The following FRMD3 variants were observed in gnomAD, a reference collection of about 807,000 sequenced individuals.
The protein encoded by FRMD3 is FERM domain-containing protein 3.
A neutral mutation model predicts 70.2 loss-of-function variants in FRMD3; 33 were observed. That is an observed-to-expected ratio of 0.47 (90% confidence interval 0.36 to 0.63). The LOEUF is 0.63. Ranked by LOEUF, FRMD3 falls within the 20% of genes least tolerant of loss-of-function variation. The probability of loss-of-function intolerance (pLI) is 0.00; values close to 1 mark genes in which losing one functional copy is unlikely to be tolerated. For missense variants in FRMD3, 632 were observed against 711.4 expected, an observed-to-expected ratio of 0.89 and a Z score of 1.27; for synonymous variants, 279 against 255.9, an observed-to-expected ratio of 1.09 and a Z score of -0.86.
intron 1 of FRMD3, among the ~76,000 whole-genome samples, chr9:83,446,471 C>T (rs1827468580): frequency 6.6e-6 from 1 of 151,930 alleles, no homozygotes; most frequent in Admixed American, 6.6e-5. Flanking sequence ...CACGGTGAAA[C>T]CCCGTCTCTA....
In FRMD3 at chr9:83,479,751, AG is replaced by A. The variant is rs1564097015; in HGVS notation, c.147+58333del. Among the ~76,000 whole-genome samples the A allele has an allele frequency of 7.9e-5, 10 of 126,186 alleles. 1 individual carries two copies. Among genetic ancestry groups the A allele is most frequent in the African/African-American group, 1.8e-4 (6 of 32,662 alleles). 82.8% of individuals were successfully genotyped at this position (126,186 alleles called of 152,430 possible). On this transcript the variant is annotated intron_variant, in intron 1 of 13. Transcript: ENST00000304195. ...AAAGGGAAAGAAAGAAAAAGAAAAG[AG>A]AAGAAGAAGGGAGGGAGGGAGGGAG...
At chr9:83,275,936 A>G (rs1413463355) in intron 13 of FRMD3, 3 of 152,244 alleles carry the variant, frequency 2.0e-5, no homozygotes, top group African/African-American at 4.8e-5. Context: ...AATTTAAATT[A>G]TCTCAGCTTT....
At chr9:83,310,789 C>T (rs1200514624) in intron 8 of FRMD3, among the ~76,000 whole-genome samples, 2 of 152,218 alleles carry the variant, frequency 1.3e-5, no homozygotes, top group African/African-American at 4.8e-5. Context: ...AGTCAGGCTG[C>T]ATCGTTCTTC....
chr9:83,479,367 AGAAGAG>A (rs1224228037), intron 1 of FRMD3, among the ~76,000 whole-genome samples: 10 of 121,210 alleles, frequency 8.3e-5, no homozygotes, highest in African/African-American at 1.2e-4. Context: ...AGGAGGAAGA[AGAAGAG>A]GAGGAGGAGG....
chr9:83,309,646 A>G (rs1174545952), intron 9 of FRMD3, 22 bp from the exon 10 acceptor site: 1 of 1,468,920 alleles, frequency 6.8e-7, no homozygotes, highest in South Asian at 1.3e-5. Flanking sequence ...ATAACAAAAC[A>G]AGAAAAGGCA....
chr9:83,573,221 A>G, the FRMD3 span, among the ~76,000 whole-genome samples: 1 of 151,412 alleles, frequency 6.6e-6, no homozygotes, highest in South Asian at 2.1e-4. Context: ...GCACCAAAAA[A>G]AAGGAAGAAG....
chr9:83,538,461 T>G, upstream of FRMD3: 1 of 356,444 alleles, frequency 2.8e-6, no homozygotes, highest in Non-Finnish European at 5.0e-6. This position sits in a 1 kb window ranked among gnomAD's most constrained non-coding sequence, Gnocchi z 4.7. Flanking sequence ...CCCCGCCTCC[T>G]TCTGTCGCGC....
chr9:83,409,984 A>G (rs1826234381), intron 1 of FRMD3, among the ~76,000 whole-genome samples: 1 of 152,146 alleles, frequency 6.6e-6, no homozygotes. Flanking sequence ...CCTCAATGCC[A>G]TTTCTACCAG....
intron 1 of FRMD3, among the ~76,000 whole-genome samples, chr9:83,491,395 C>A (rs1271972557): frequency 6.6e-6 from 1 of 152,172 alleles, no homozygotes; most frequent in Admixed American, 6.5e-5. Context: ...TGTTCTCTGT[C>A]AGGGACCTGG....
chr9:83,570,179 G>C, the FRMD3 span, among the ~76,000 whole-genome samples: 8 of 152,064 alleles, frequency 5.3e-5, no homozygotes, highest in Admixed American at 5.2e-4. Context: ...CTAGGCACTG[G>C]GACAACAGCA....
the FRMD3 span, among the ~76,000 whole-genome samples, chr9:83,574,057 C>T: frequency 3.9e-5 from 6 of 152,106 alleles, no homozygotes; most frequent in Non-Finnish European, 5.9e-5. Flanking sequence ...CACCCTCTTC[C>T]GCTACACATG....
At chr9:83,581,451 G>T in the FRMD3 span, among the ~76,000 whole-genome samples, 1 of 152,182 alleles carries the variant, frequency 6.6e-6, no homozygotes, top group South Asian at 2.1e-4. Context: ...TAATCAGGCA[G>T]ATAATAACAA....
intron 1 of FRMD3, among the ~76,000 whole-genome samples, chr9:83,488,888 T>A (rs1828745851): frequency 6.6e-6 from 1 of 152,040 alleles, no homozygotes; most frequent in Non-Finnish European, 1.5e-5. Context: ...ATAAATTAAG[T>A]AGGCTACCAG....
chr9:83,443,507 A>G (rs1020081820), intron 1 of FRMD3, among the ~76,000 whole-genome samples: 6 of 152,296 alleles, frequency 3.9e-5, no homozygotes, highest in Admixed American at 3.9e-4. Context: ...TCCATGGTGC[A>G]TATGTGCCAT....
rs559547731 is a variant in FRMD3, at chr9:83,475,885, T to C, written c.147+62200A>G. On this transcript the variant is annotated intron_variant, in intron 1 of 13. Coordinates refer to ENST00000304195, the MANE Select transcript of FRMD3 (RefSeq NM_174938.6). ...AGATACATAAAATATCTAGCAAGAA[T>C]ACATGGAAAAAATGAGTGTTAGGTC... 2.0e-5 allele frequency among the ~76,000 whole-genome samples: 3 copies of C among 152,278 alleles called. No homozygotes were observed. In the South Asian group the frequency reaches 6.2e-4, roughly 32 times the overall value.
chr9:83,414,184 C>T (rs1826363667), intron 1 of FRMD3, among the ~76,000 whole-genome samples: 1 of 151,996 alleles, frequency 6.6e-6, no homozygotes, highest in Non-Finnish European at 1.5e-5. Context: ...GTTTATTTTC[C>T]CTGGGTGATG....
intron 13 of FRMD3, among the ~76,000 whole-genome samples, chr9:83,266,004 A>C (rs780985611): frequency 2.6e-5 from 4 of 152,208 alleles, no homozygotes; most frequent in Non-Finnish European, 4.4e-5. Context: ...ATATCTTTAT[A>C]TTACCTAATA....
chr9:83,246,689 A>G lies in FRMD3; in HGVS notation c.*1229T>C. The G allele has an allele frequency of 1.0e-6, 1 of 966,830 alleles. No individual in the cohort carries two copies. The highest frequency in any genetic ancestry group is 1.8e-5 in the African/African-American group (1 of 56,638). 59.9% of individuals were successfully genotyped at this position (966,830 alleles called of 1,614,324 possible). The stretch of plus-strand genomic sequence containing the variant: ...CTCTCTCACACACACACACACGCAC[A>G]CTCACATACAAACACATTTTTGAAG... On this transcript the variant is annotated 3_prime_UTR_variant, in exon 14 of 14. Coordinates refer to ENST00000304195, the MANE Select transcript of FRMD3 (RefSeq NM_174938.6).
At chr9:83,475,590 A>C (rs1828377024) in intron 1 of FRMD3, among the ~76,000 whole-genome samples, 1 of 152,196 alleles carries the variant, frequency 6.6e-6, no homozygotes, top group South Asian at 2.1e-4. Context: ...ATTTCATCAG[A>C]TACAGTTTAT....
Sources: gnomAD v4.1 joint callset for allele counts (sites outside exome capture counted in the v4.1 genomes callset) on GRCh38, gnomAD v4.1.1 for gene constraint, Gnocchi (gnomAD v3.1) non-coding constraint, MANE v1.5 for transcripts, NCBI Gene and HGNC (gene_info 2026-07-23, HGNC 2026-07-21) for gene names.